Variants in MAML3 observed in about 807,000 individuals in gnomAD.
MAML3 encodes mastermind like transcriptional coactivator 3.
A neutral mutation model predicts 101.9 loss-of-function variants in MAML3; 27 were observed. The ratio of observed to expected loss-of-function variants is 0.27; its 90% CI spans 0.20 to 0.37. The LOEUF is 0.37. Among genes scored for constraint, MAML3 ranks in the 10% least tolerant of loss-of-function variants. The pLI, the probability that MAML3 is intolerant of heterozygous loss-of-function variation, is 1.00. For synonymous variants in MAML3, 501 were observed against 555.9 expected (o/e 0.90, Z 1.39); for missense variants, 1,316 against 1,444.9 (o/e 0.91, Z 1.45).
intron 1 of MAML3, among the ~76,000 whole-genome samples, chr4:140,016,333 C>A (rs1287667162): frequency 6.6e-6 from 1 of 152,068 alleles, no homozygotes; most frequent in African/African-American, 2.4e-5. Context: ...GATTGGAAGA[C>A]AACATAGTAA....
chr4:139,740,309 T>C (rs1402887968), intron 2 of MAML3: 1 of 152,104 alleles, frequency 6.6e-6, no homozygotes, highest in Non-Finnish European at 1.5e-5. Flanking sequence ...CAGACTGTCT[T>C]CTCCGTGGAA....
At chr4:139,853,401 G>A (rs1731594709) in intron 2 of MAML3, among the ~76,000 whole-genome samples, 1 of 152,170 alleles carries the variant, frequency 6.6e-6, no homozygotes, top group Non-Finnish European at 1.5e-5. Context: ...AGACAGTAGG[G>A]CAGGTGGGGG....
intron 1 of MAML3, among the ~76,000 whole-genome samples, chr4:139,922,266 C>G (rs1733143604): frequency 6.6e-6 from 1 of 152,132 alleles, no homozygotes; most frequent in African/African-American, 2.4e-5. Context: ...AAACTACCAT[C>G]CTTCTTAACA....
At chr4:139,868,224 A>G (rs1446508782) in intron 2 of MAML3, among the ~76,000 whole-genome samples, 1 of 152,214 alleles carries the variant, frequency 6.6e-6, no homozygotes, top group Admixed American at 6.5e-5. Flanking sequence ...TCAACTGTGC[A>G]AGTTGTATAA....
At chr4:139,931,248 C>T (rs1241976741) in intron 1 of MAML3, among the ~76,000 whole-genome samples, 1 of 152,198 alleles carries the variant, frequency 6.6e-6, no homozygotes, top group East Asian at 1.9e-4. Flanking sequence ...CGCTCTTCTG[C>T]AGTTCAGCTC....
At chr4:139,812,665 C>A (rs972070591) in intron 2 of MAML3, among the ~76,000 whole-genome samples, 1 of 152,152 alleles carries the variant, frequency 6.6e-6, no homozygotes, top group Non-Finnish European at 1.5e-5. Context: ...TAGACAGAAG[C>A]CCAGTAGACT....
chr4:140,021,941 C>T (rs538879439), intron 1 of MAML3, among the ~76,000 whole-genome samples: 1 of 152,302 alleles, frequency 6.6e-6, no homozygotes, highest in South Asian at 2.1e-4. Flanking sequence ...CCATTATTAT[C>T]CCCATTTTAG....
At chr4:139,794,909 A>C (rs1730484976) in intron 2 of MAML3, among the ~76,000 whole-genome samples, 1 of 152,236 alleles carries the variant, frequency 6.6e-6, no homozygotes, top group Admixed American at 6.5e-5. Context: ...TTCTGAATGA[A>C]GGTAAGAATT....
At chr4:139,790,187 T>C (rs1224500289) in intron 2 of MAML3, among the ~76,000 whole-genome samples, 1 of 142,308 alleles carries the variant, frequency 7.0e-6, no homozygotes, top group Non-Finnish European at 1.5e-5. Flanking sequence ...CCACCTAGGC[T>C]GTGAGATGTG....
At chr4:139,754,617 A>T (rs543925206) in intron 2 of MAML3, among the ~76,000 whole-genome samples, 27 of 152,332 alleles carry the variant, frequency 1.8e-4, no homozygotes, top group African/African-American at 5.8e-4. Flanking sequence ...CTAAAAGTAG[A>T]AGTTTTGTGT....
chr4:140,134,252 T>C (rs1302420809), intron 1 of MAML3: 3 of 456,742 alleles, frequency 6.6e-6, no homozygotes, highest in Non-Finnish European at 1.3e-5. Flanking sequence ...CCCCTAACTT[T>C]GACTCGTATA....
intron 1 of MAML3, among the ~76,000 whole-genome samples, chr4:140,071,522 A>G (rs1012663284): frequency 6.6e-6 from 1 of 152,136 alleles, no homozygotes; most frequent in South Asian, 2.1e-4. Flanking sequence ...AACTCAAGAC[A>G]TCTACTTTTT....
At chr4:139,988,767 T>C (rs1465091278) in intron 1 of MAML3, among the ~76,000 whole-genome samples, 7 of 152,326 alleles carry the variant, frequency 4.6e-5, no homozygotes, top group East Asian at 3.9e-4. Context: ...ATTTGTTGTA[T>C]GTAAACTTCA....
chr4:139,729,846 T>A (rs1728630098), intron 3 of MAML3, among the ~76,000 whole-genome samples: 1 of 152,216 alleles, frequency 6.6e-6, no homozygotes, highest in South Asian at 2.1e-4. Context: ...TCCTGAGCTG[T>A]TTTAAAAGCT....
At chr4:139,957,721 C>T (rs1309937226) in intron 1 of MAML3, among the ~76,000 whole-genome samples, 1 of 152,214 alleles carries the variant, frequency 6.6e-6, no homozygotes, top group East Asian at 1.9e-4. Flanking sequence ...TACATCTTCT[C>T]ACTCTAAATT....
At chr4:140,047,300 GCTTGGCTGGCTGAGTTAGGAAATT>G (rs1460956514) in intron 1 of MAML3, among the ~76,000 whole-genome samples, 1 of 152,214 alleles carries the variant, frequency 6.6e-6, no homozygotes, top group Non-Finnish European at 1.5e-5. Context: ...AGGGATTTGT[GCTTGGCTGGCTGAGTTAGGAAATT>G]CAGGGCAGCG....
At chr4:139,912,300 A>C (rs1409262295) in intron 1 of MAML3, among the ~76,000 whole-genome samples, 1 of 152,190 alleles carries the variant, frequency 6.6e-6, no homozygotes, top group African/African-American at 2.4e-5. Context: ...TTTGGCTCTA[A>C]TAGTCTTTCT....
intron 2 of MAML3, among the ~76,000 whole-genome samples, chr4:139,801,642 G>GTCT (rs1491286828): frequency 2.5e-4 from 3 of 11,852 alleles, no homozygotes; most frequent in South Asian, 5.4e-3. Flanking sequence ...GGGTGTGTGT[G>GTCT]GGTGTGTGTG....
At chr4:139,849,657 A>T (rs1313143132) in intron 2 of MAML3, among the ~76,000 whole-genome samples, 1 of 152,360 alleles carries the variant, frequency 6.6e-6, no homozygotes, top group East Asian at 1.9e-4. Flanking sequence ...GCACTGTAAC[A>T]ATATTGCACG....
Sources: allele counts gnomAD v4.1 joint callset (sites outside exome capture counted in the v4.1 genomes callset), GRCh38; gene constraint gnomAD v4.1.1; transcripts MANE v1.5; gene names NCBI Gene and HGNC (gene_info 2026-07-23, HGNC 2026-07-21).